Variants in SPG7 observed in about 807,000 individuals in gnomAD.
SPG7 encodes mitochondrial inner membrane m-AAA protease component paraplegin.
Under a neutral mutation model 81.9 loss-of-function variants are expected in SPG7, and 103 were observed. The observed-to-expected ratio is 1.26, with a 90% CI of 1.07 to 1.48. SPG7 has a LOEUF of 1.48. SPG7 is among the 40% of genes most tolerant of loss of function. SPG7 has a pLI of 0.00. For synonymous variants in SPG7, 534 were observed against 444.2 expected (o/e 1.20, Z -2.54); for missense variants, 1,241 against 1,087.3 (o/e 1.14, Z -1.99).
chr16:89,547,922 C>G, intron 11 of SPG7, 81 bp from the exon 12 acceptor site: 1 of 1,063,462 alleles, frequency 9.4e-7, no homozygotes, highest in African/African-American at 1.5e-5. Flanking sequence ...CATCTTTGTT[C>G]TCCCTTGAGG....
At chr16:89,531,786 T>G in intron 7 of SPG7, 118 bp from the exon 8 acceptor site, 3 of 974,122 alleles carry the variant, frequency 3.1e-6, no homozygotes, top group Non-Finnish European at 4.8e-6. Context: ...GAGGCTGCAG[T>G]GAGCTATCAT....
At chr16:89,530,948 C>A in intron 7 of SPG7, 140 bp downstream of exon 7, 1 of 1,142,900 alleles carries the variant, frequency 8.7e-7, no homozygotes, top group Non-Finnish European at 1.3e-6. Flanking sequence ...CCCATGGGGA[C>A]ACCAAGCAGG....
At chr16:89,548,528 A>G (rs1470598933) in intron 12 of SPG7, 3 of 304,276 alleles carry the variant, frequency 9.9e-6, no homozygotes, top group South Asian at 5.6e-5. Flanking sequence ...CTGTGGAGGG[A>G]CAGCCGTGCT....
intron 9 of SPG7, among the ~76,000 whole-genome samples, chr16:89,542,818 C>A (rs1428372201): frequency 6.6e-6 from 1 of 151,964 alleles, no homozygotes; most frequent in African/African-American, 2.4e-5. Context: ...CTCACTGCAG[C>A]CTTCACCTCC....
At chr16:89,533,340 TG>T (rs1258928487) in intron 9 of SPG7, 2 of 152,180 alleles carry the variant, frequency 1.3e-5, no homozygotes, top group African/African-American at 4.8e-5. Flanking sequence ...GCTAATTTTT[TG>T]TATTTTTAGT....
At position 89,554,925 on chromosome 16, in the gene SPG7, T is replaced by C. The variant is rs566276856; in HGVS notation, c.2181+362T>C. ...TTTAGAGTAGGAATTTTTTTTTCTT[T>C]TTTTTTTTGAGACAAAGTCTTGCTC... is the stretch of plus-strand genomic sequence containing the variant. On this transcript the variant is annotated intron_variant, in intron 16 of 16. Transcript: ENST00000645818. The C allele has an allele frequency of 4.8e-4, 133 of 277,180 alleles. 2 individuals carry two copies. Among genetic ancestry groups the C allele is most frequent in the South Asian group, 4.4e-3 (128 of 28,886 alleles). 17.2% of individuals were successfully genotyped at this position (277,180 alleles called of 1,614,324 possible). A position where few individuals can be genotyped will look rare whatever the true frequency, so the allele number is the denominator to read the frequency against.
chr16:89,550,636 CG>C (rs755695598), intron 13 of SPG7, 27 bp downstream of exon 13: 3 of 1,533,082 alleles, frequency 2.0e-6, no homozygotes. Flanking sequence ...GCCGGCTCCA[CG>C]GGCCTTGGCC....
intron 8 of SPG7, among the ~76,000 whole-genome samples, 198 bp downstream of exon 8, chr16:89,532,264 C>T (rs750106768): frequency 6.6e-5 from 10 of 152,224 alleles, no homozygotes; most frequent in Non-Finnish European, 1.2e-4. Context: ...CACTTGTGGC[C>T]TGGGGGGCCA....
intron 3 of SPG7, chr16:89,523,721 C>T (rs769181134): frequency 2.6e-5 from 14 of 545,608 alleles, no homozygotes; most frequent in South Asian, 2.0e-4. Context: ...CACCGTTGTG[C>T]CCAGGTCTAA....
chr16:89,529,552 T>C lies in SPG7; in HGVS notation c.834T>C (p.Thr278=). The C allele has an allele frequency of 1.9e-6, 3 of 1,613,874 alleles. No homozygotes were observed. The highest frequency in any genetic ancestry group is 2.5e-6 in the Non-Finnish European group (3 of 1,179,714). The change falls in exon 6 of 17, where the codon ACT becomes ACC. Residue 278 remains threonine, a synonymous_variant. Coordinates refer to ENST00000645818, the MANE Select transcript of SPG7 (RefSeq NM_003119.4). ...ATGTTTTCCGTCTGGCCGGGATGAC[T>C]GGAAGGGAAGGTGGATTCAGTGCTT... ...LWYVFRLAGM[T]GREGGFSAFN...
At chr16:89,510,672 A>G in intron 2 of SPG7, 80 bp downstream of exon 2, 2 of 883,642 alleles carry the variant, frequency 2.3e-6, no homozygotes, top group Admixed American at 1.8e-5. Context: ...ATCTTTTTTT[A>G]TTTTAGAGAC....
rs559841108 is a variant in SPG7, at chr16:89,524,266, G to A, written c.618+19G>A. 9 of 1,600,428 alleles carry A rather than the reference G, an allele frequency of 5.6e-6. No individual in the cohort carries two copies. The highest frequency in any genetic ancestry group is 6.8e-6 in the Non-Finnish European group (8 of 1,173,220). ...GCGGCCTGTGAGTGAGGGTGCGGGA[G>A]GCCTGTGAGTGAGGGTGTGGGCACA... On this transcript the variant is annotated intron_variant, in intron 4 of 16. Coordinates refer to ENST00000645818, the MANE Select transcript of SPG7 (RefSeq NM_003119.4).
intron 4 of SPG7, among the ~76,000 whole-genome samples, chr16:89,524,852 G>A (rs1181824961): frequency 4.6e-5 from 7 of 152,136 alleles, no homozygotes; most frequent in Admixed American, 4.6e-4. Context: ...TGGGGTTGGT[G>A]TGGCCCACCC....
chr16:89,541,332 A>T, intron 9 of SPG7: 1 of 984,854 alleles, frequency 1.0e-6, no homozygotes, highest in Non-Finnish European at 1.2e-6. Context: ...TGCAGCAACA[A>T]GGAAATGACG....
intron 5 of SPG7, among the ~76,000 whole-genome samples, chr16:89,528,057 G>A (rs1175075135): frequency 1.3e-5 from 2 of 152,140 alleles, no homozygotes; most frequent in Non-Finnish European, 2.9e-5. Flanking sequence ...GGTTGGGGCA[G>A]GCCCATTCTC....
Position 89,508,422 on chromosome 16 carries a change from C to T in SPG7, c.5C>T (p.Ala2Val), listed in dbSNP as rs973170664. 2.7e-6 allele frequency: 4 copies of T among 1,490,178 alleles called. No homozygotes were observed. Among genetic ancestry groups the T allele is most frequent in the South Asian group, 2.5e-5 (2 of 79,652 alleles). 92.3% of individuals were successfully genotyped at this position (1,490,178 alleles called of 1,614,324 possible). A position where few individuals can be genotyped will look rare whatever the true frequency, so the allele number is the denominator to read the frequency against. ...AGGCGCGGCTTTCAGGCCAACATGG[C>T]CGTGCTGCTGCTGCTGCTCCGTGCC... M[A>V]VLLLLLRALR... The change falls in exon 1 of 17, where the codon GCC becomes GTC. Residue 2 changes from alanine (A) to valine (V), a missense_variant. Ala to Val is a moderately conservative substitution (Grantham distance 64, BLOSUM62 0). Transcript: ENST00000645818.
intron 13 of SPG7, chr16:89,552,690 G>T: frequency 4.6e-6 from 2 of 437,200 alleles, no homozygotes; most frequent in Non-Finnish European, 8.6e-6. Context: ...CTTGTCCTTC[G>T]CCTCTCAGCT....
Position 89,508,595 on chromosome 16 carries a change from C to T in SPG7, c.178C>T (p.Leu60=). The stretch of plus-strand genomic sequence containing the variant: ...CCTCGCCGAGGCTGGAGGCCGAGCT[C>T]TGCAGGTAAATCCCCGCGGAGTCCG... ...GDLAEAGGRA[L]QSLQLRLLTP... Residue 60 remains leucine, a synonymous_variant, in exon 1 of 17, where the codon CTG becomes TTG. Transcript: ENST00000645818. 1.4e-6 allele frequency: 2 copies of T among 1,473,772 alleles called. No homozygotes were observed. Among genetic ancestry groups the T allele is most frequent in the African/African-American group, 2.9e-5 (2 of 67,904 alleles). 91.3% of individuals were successfully genotyped at this position (1,473,772 alleles called of 1,614,324 possible).
rs1423929372 is a variant in SPG7 at position 89,508,588 on chromosome 16, C to A, written c.171C>A (p.Gly57=). The A allele has an allele frequency of 6.8e-7, 1 of 1,480,030 alleles. No homozygotes were observed. The highest frequency in any genetic ancestry group is 2.7e-5 in the East Asian group (1 of 36,736). The allele number at this position is 1,480,030 out of a possible 1,614,324, so 91.7% of individuals were successfully genotyped here. A position where few individuals can be genotyped will look rare whatever the true frequency, so the allele number is the denominator to read the frequency against. The change falls in exon 1 of 17, where the codon GGC becomes GGA. Residue 57 remains glycine, a synonymous_variant. Transcript: ENST00000645818. The stretch of plus-strand genomic sequence containing the variant: ...CGGGGGACCTCGCCGAGGCTGGAGG[C>A]CGAGCTCTGCAGGTAAATCCCCGCG... ...RPPGDLAEAG[G]RALQSLQLRL...
Sources: allele counts gnomAD v4.1 joint callset (sites outside exome capture counted in the v4.1 genomes callset), GRCh38; gene constraint gnomAD v4.1.1; transcripts MANE v1.5; gene names NCBI Gene and HGNC (gene_info 2026-07-23, HGNC 2026-07-21).